TEX9: variants seen among roughly 807,000 people sequenced by gnomAD.
The protein encoded by TEX9 is testis expressed 9.
Under a neutral mutation model 59.6 loss-of-function variants are expected in TEX9, and 74 were observed. The observed-to-expected ratio is 1.24, with a 90% confidence interval of 1.03 to 1.51. The LOEUF (loss-of-function observed/expected upper bound fraction) is 1.51, where lower values mean the gene tolerates loss of function less well. Ranked by LOEUF, TEX9 falls within the 40% of genes most tolerant of loss-of-function variation. TEX9 has a pLI of 0.00. For synonymous variants in TEX9, 186 were observed against 152.2 expected (o/e 1.22, Z -1.64); for missense variants, 522 against 447.8 (o/e 1.17, Z -1.49).
intron 1 of TEX9, among the ~76,000 whole-genome samples, chr15:56,282,997 TAG>T (rs1330315105): frequency 1.3e-5 from 2 of 151,300 alleles, no homozygotes; most frequent in African/African-American, 2.4e-5. Context: ...TTTGTGAAAA[TAG>T]AGGGGGAGAA....
chr15:56,348,749 C>G (rs1751764464), intron 1 of TEX9, among the ~76,000 whole-genome samples: 1 of 151,992 alleles, frequency 6.6e-6, no homozygotes, highest in Non-Finnish European at 1.5e-5. Flanking sequence ...GCTTGGTGTT[C>G]ACTTAGCTTC....
intron 9 of TEX9, among the ~76,000 whole-genome samples, chr15:56,401,997 T>G (rs1324901746): frequency 6.6e-6 from 1 of 152,106 alleles, no homozygotes; most frequent in Non-Finnish European, 1.5e-5. Context: ...TAGAGGGAAA[T>G]TTATAGCACT....
chr15:56,443,558 CAT>C (rs2050854956), intron 12 of TEX9: 2 of 1,573,402 alleles, frequency 1.3e-6, no homozygotes, highest in East Asian at 2.3e-5. Flanking sequence ...TTTTAAAAAA[CAT>C]AAATATTTAT....
chr15:56,308,640 G>A (rs2045536124), intron 1 of TEX9, among the ~76,000 whole-genome samples: 2 of 152,022 alleles, frequency 1.3e-5, no homozygotes, highest in South Asian at 4.1e-4. Flanking sequence ...CTGATCCAAG[G>A]AATGTTTTTA....
intron 12 of TEX9, among the ~76,000 whole-genome samples, chr15:56,437,020 A>C (rs2050737583): frequency 6.6e-6 from 1 of 152,180 alleles, no homozygotes; most frequent in African/African-American, 2.4e-5. Flanking sequence ...ATTCTACCAG[A>C]GGTACAAGGA....
chr15:56,333,049 GC>G (rs1383538487), intron 1 of TEX9, among the ~76,000 whole-genome samples: 2 of 152,126 alleles, frequency 1.3e-5, no homozygotes, highest in African/African-American at 2.4e-5. Context: ...ACAAAGCAAA[GC>G]CCAGGACTTG....
chr15:56,394,737 A>G (rs751683373), exon 9 of TEX9: 1 of 1,611,988 alleles, frequency 6.2e-7, no homozygotes, highest in Non-Finnish European at 8.5e-7. Flanking sequence ...CGAACAATTA[A>G]TATGCAACAG....
At chr15:56,297,096 A>G (rs1364064348) in intron 1 of TEX9, among the ~76,000 whole-genome samples, 7 of 152,212 alleles carry the variant, frequency 4.6e-5, no homozygotes, top group Non-Finnish European at 1.0e-4. Context: ...TAGAAAAAAT[A>G]ATGTTTACAA....
At chr15:56,326,258 A>G (rs996120329) in intron 1 of TEX9, among the ~76,000 whole-genome samples, 6 of 147,220 alleles carry the variant, frequency 4.1e-5, no homozygotes, top group African/African-American at 1.2e-4. Context: ...TGGTTTTTTA[A>G]GTGTCATCGT....
At chr15:56,351,063 A>G (rs1389663815) in intron 1 of TEX9, among the ~76,000 whole-genome samples, 2 of 152,208 alleles carry the variant, frequency 1.3e-5, no homozygotes, top group Non-Finnish European at 1.5e-5. Flanking sequence ...AACTTAAGAT[A>G]CAACAAATAA....
At chr15:56,264,973 A>G (rs1273851054) in intron 1 of TEX9, among the ~76,000 whole-genome samples, 29 of 152,158 alleles carry the variant, frequency 1.9e-4, no homozygotes, top group Non-Finnish European at 2.9e-5. Context: ...CTGTCCTTTC[A>G]CCAATATCAC....
intron 3 of TEX9, 39 bp downstream of exon 3, chr15:56,373,543 G>T (rs1325131876): frequency 6.8e-7 from 1 of 1,468,308 alleles, no homozygotes; most frequent in Non-Finnish European, 9.0e-7. Context: ...CTATATAAAT[G>T]CTAGTTTTTT....
chr15:56,394,031 GC>G (rs2048337999), intron 7 of TEX9, 133 bp from the exon 8 acceptor site: 1 of 666,826 alleles, frequency 1.5e-6, no homozygotes, highest in African/African-American at 1.9e-5. Flanking sequence ...TACCTATAGT[GC>G]CCCCTAACAG....
the TEX9 span, among the ~76,000 whole-genome samples, chr15:56,453,512 GA>G: frequency 6.6e-6 from 1 of 152,114 alleles, no homozygotes; most frequent in Non-Finnish European, 1.5e-5. Context: ...TATTAAGAAG[GA>G]AAAACTGTCT....
At chr15:56,392,153 T>C (rs2048245758) in intron 7 of TEX9, among the ~76,000 whole-genome samples, 1 of 152,174 alleles carries the variant, frequency 6.6e-6, no homozygotes, top group Admixed American at 6.5e-5. Context: ...AATTTAGTAG[T>C]TTGTATTAGA....
chr15:56,283,375 A>G (rs957590966), intron 1 of TEX9, among the ~76,000 whole-genome samples: 1 of 152,172 alleles, frequency 6.6e-6, no homozygotes, highest in Non-Finnish European at 1.5e-5. Context: ...AAAAATATCT[A>G]CTAGATATTA....
At chr15:56,365,654 T>C in exon 2 of TEX9, 1 of 1,614,162 alleles carries the variant, frequency 6.2e-7, no homozygotes, top group Non-Finnish European at 8.5e-7. Context: ...CCTCCTCGCC[T>C]TGGAGGAAGA....
At chr15:56,446,803 A>C (rs1477980928), downstream of TEX9, 1 of 1,450,122 alleles carries the variant, frequency 6.9e-7, no homozygotes, top group Non-Finnish European at 9.6e-7. Flanking sequence ...TTATTTTCTA[A>C]ATGAAGCTAA....
chr15:56,357,154 A>G (rs935921864), intron 1 of TEX9, among the ~76,000 whole-genome samples: 21 of 152,298 alleles, frequency 1.4e-4, no homozygotes, highest in African/African-American at 4.8e-4. Context: ...GTTTGAGAAT[A>G]GAACTAGACA....
Sources: gnomAD v4.1 joint callset for allele counts (sites outside exome capture counted in the v4.1 genomes callset) on GRCh38, gnomAD v4.1.1 for gene constraint, MANE v1.5 for transcripts, NCBI Gene and HGNC (gene_info 2026-07-23, HGNC 2026-07-21) for gene names.